TNNI3K: variants seen among roughly 807,000 people sequenced by gnomAD.
TNNI3K encodes the protein TNNI3 interacting kinase.
Under a neutral mutation model 114.5 loss-of-function variants are expected in TNNI3K, and 140 were observed. The ratio of observed to expected loss-of-function variants is 1.22; its 90% CI spans 1.07 to 1.41. The LOEUF (loss-of-function observed/expected upper bound fraction) is 1.41. TNNI3K is among the 40% of genes most tolerant of loss of function. The pLI is 0.00. For synonymous variants in TNNI3K, 347 were observed against 347.5 expected, an observed-to-expected ratio of 1.00 and a Z score of 0.02; for missense variants, 1,125 against 1,007.6, an observed-to-expected ratio of 1.12 and a Z score of -1.58.
At chr1:74,480,249 C>G in intron 21 of TNNI3K, 1 of 717,532 alleles carries the variant, frequency 1.4e-6, no homozygotes, top group Non-Finnish European at 2.6e-6. Flanking sequence ...GCTTTGGAAT[C>G]ACAGTTGGTC....
chr1:74,393,372 A>T (rs984697459), intron 17 of TNNI3K, among the ~76,000 whole-genome samples: 2 of 152,186 alleles, frequency 1.3e-5, no homozygotes, highest in Admixed American at 1.3e-4. Context: ...TTTAAAAAAA[A>T]GGAGAAAGAA....
chr1:74,435,956 G>A, intron 17 of TNNI3K, 124 bp from the exon 18 acceptor site: 1 of 1,261,852 alleles, frequency 7.9e-7, no homozygotes, highest in Non-Finnish European at 1.1e-6. Flanking sequence ...TTAGCCCTTT[G>A]GGGCCCATTT....
At chr1:74,469,761 G>A (rs1667833494) in intron 21 of TNNI3K, 3 of 396,748 alleles carry the variant, frequency 7.6e-6, no homozygotes, top group Non-Finnish European at 1.3e-5. Flanking sequence ...AGTTACTGAG[G>A]ACGTTGTTGT....
chr1:74,395,319 C>T lies in TNNI3K; in HGVS notation c.1772+24927C>T, dbSNP rs554807472. Reference sequence around the variant, plus strand: ...GGACAGGTGAGTTTATTTCTCAGGACCTGGTGGCCTATATGGGGAACTCTG... The same window carrying T: ...GGACAGGTGAGTTTATTTCTCAGGATCTGGTGGCCTATATGGGGAACTCTG... On this transcript the variant is annotated intron_variant, in intron 17 of 24. Transcript: ENST00000326637. Among the ~76,000 whole-genome samples, 8 of 91,738 alleles carry T rather than the reference C, an allele frequency of 8.7e-5. 1 individual carries two copies. The East Asian group carries it at 2.9e-3, about 33-fold the overall frequency. 60.2% of individuals were successfully genotyped at this position (91,738 alleles called of 152,430 possible).
chr1:74,532,316 A>G (rs921703058), intron 23 of TNNI3K, among the ~76,000 whole-genome samples: 9 of 152,182 alleles, frequency 5.9e-5, no homozygotes, highest in Admixed American at 5.2e-4. Flanking sequence ...TCTGATTATA[A>G]GGGATGTTTC....
At chr1:74,376,841 CAA>C (rs1662931117) in intron 17 of TNNI3K, 1 of 151,536 alleles carries the variant, frequency 6.6e-6, no homozygotes, top group African/African-American at 2.4e-5. Context: ...ATAAAAGATT[CAA>C]AGACACTGAA....
rs1301200333 is a variant in TNNI3K at position 74,543,901 on chromosome 1, T to C, written c.2432-5T>C. 6.2e-7 allele frequency: 1 copy of C among 1,613,572 alleles called. No homozygotes were observed. The highest frequency in any genetic ancestry group is 1.7e-5 in the Admixed American group (1 of 59,922). On this transcript the variant is annotated splice_polypyrimidine_tract_variant and splice_region_variant and intron_variant, in intron 24 of 24. Transcript: ENST00000326637. ...AGTAACAACTGAACTTCTTTTCTGA[T>C]GCAGGCTATGTATCCGATCCCATGA...
chr1:74,263,231 A>C (rs1655781097), intron 4 of TNNI3K, among the ~76,000 whole-genome samples: 1 of 152,174 alleles, frequency 6.6e-6, no homozygotes, highest in African/African-American at 2.4e-5. Context: ...AATTATGTGA[A>C]GTTTCCTAAT....
chr1:74,258,381 T>C (rs1413332389), intron 4 of TNNI3K, among the ~76,000 whole-genome samples: 3 of 152,208 alleles, frequency 2.0e-5, no homozygotes, highest in Non-Finnish European at 4.4e-5. Context: ...TTATGCTTTG[T>C]GGCAGAAAAG....
intron 20 of TNNI3K, among the ~76,000 whole-genome samples, chr1:74,457,760 G>A (rs1322464182): frequency 6.6e-6 from 1 of 152,134 alleles, no homozygotes; most frequent in Non-Finnish European, 1.5e-5. Context: ...TAGGGATTGA[G>A]AATCTAATAC....
chr1:74,521,394 C>G lies in TNNI3K; in HGVS notation c.2352-18840C>G, dbSNP rs77098636. ...GTAAGTCACTTAAAACAATACCTGG[C>G]ACATAGTTACTGTTCAATAAATGTT... On this transcript the variant is annotated intron_variant, in intron 23 of 24. Transcript: ENST00000326637. Among the ~76,000 whole-genome samples the G allele has an allele frequency of 8.4e-3, 1,285 of 152,220 alleles. 15 individuals are homozygous for G. The highest frequency in any genetic ancestry group is 0.029 in the African/African-American group (1,217 of 41,534).
chr1:74,505,284 A>G (rs1346743744), intron 23 of TNNI3K, among the ~76,000 whole-genome samples: 3 of 152,190 alleles, frequency 2.0e-5, no homozygotes, highest in African/African-American at 4.8e-5. Context: ...CGGCCTAATT[A>G]AATCTATACA....
intron 17 of TNNI3K, chr1:74,375,196 G>A (rs1662844108): frequency 6.4e-6 from 1 of 155,690 alleles, no homozygotes; most frequent in Non-Finnish European, 1.4e-5. Flanking sequence ...TATTGGGGAT[G>A]GAAAAACACT....
intron 21 of TNNI3K, chr1:74,475,410 A>T (rs748607593): frequency 1.4e-6 from 1 of 717,176 alleles, no homozygotes; most frequent in Non-Finnish European, 2.6e-6. Flanking sequence ...CTGCTTCATT[A>T]AAAGCTCTCA....
intron 20 of TNNI3K, among the ~76,000 whole-genome samples, chr1:74,458,270 A>G (rs1016704257): frequency 6.6e-6 from 1 of 152,152 alleles, no homozygotes; most frequent in African/African-American, 2.4e-5. Flanking sequence ...TTCAAAGCCC[A>G]TGTTTGCCAC....
At chr1:74,308,479 A>G (rs931097919) in intron 5 of TNNI3K, among the ~76,000 whole-genome samples, 2 of 152,292 alleles carry the variant, frequency 1.3e-5, no homozygotes, top group Admixed American at 1.3e-4. Context: ...GACTCACACC[A>G]TATCAAAACC....
At chr1:74,506,888 A>G (rs533425741) in intron 23 of TNNI3K, among the ~76,000 whole-genome samples, 1 of 152,320 alleles carries the variant, frequency 6.6e-6, no homozygotes, top group East Asian at 1.9e-4. Context: ...TCTTCTCGGA[A>G]AAGATTTATC....
At chr1:74,322,680 A>G (rs1659685128) in intron 5 of TNNI3K, among the ~76,000 whole-genome samples, 1 of 151,866 alleles carries the variant, frequency 6.6e-6, no homozygotes, top group African/African-American at 2.4e-5. Context: ...AGGCTGGTCT[A>G]AAACTCCTCA....
intron 5 of TNNI3K, among the ~76,000 whole-genome samples, chr1:74,285,917 C>T (rs1031483956): frequency 2.6e-5 from 4 of 152,100 alleles, no homozygotes; most frequent in African/African-American, 9.7e-5. Context: ...AAAATGATGA[C>T]AATTAAGTGA....
Sources: gnomAD v4.1 joint callset for allele counts (sites outside exome capture counted in the v4.1 genomes callset) on GRCh38, gnomAD v4.1.1 for gene constraint, MANE v1.5 for transcripts, NCBI Gene and HGNC (gene_info 2026-07-23, HGNC 2026-07-21) for gene names.